Variants in MAP3K13 observed in about 807,000 individuals in gnomAD.
MAP3K13 encodes the protein mitogen-activated protein kinase kinase kinase 13, also known as leucine zipper-bearing kinase.
A neutral mutation model predicts 104.0 loss-of-function variants in MAP3K13; 52 were observed. The observed-to-expected ratio is 0.50, with a 90% CI of 0.40 to 0.63. The LOEUF is 0.63. Among genes scored for constraint, MAP3K13 ranks in the 20% least tolerant of loss-of-function variants. The probability of loss-of-function intolerance (pLI) is 0.00; values close to 1 mark genes in which losing one functional copy is unlikely to be tolerated. For missense variants in MAP3K13, 914 were observed against 1,218.5 expected (o/e 0.75, Z 3.72); for synonymous variants, 394 against 442.2 (o/e 0.89, Z 1.37).
chr3:185,400,761 T>C (rs941034360), intron 1 of MAP3K13, among the ~76,000 whole-genome samples: 17 of 151,914 alleles, frequency 1.1e-4, no homozygotes, highest in African/African-American at 3.9e-4. Context: ...CTTCTAATTA[T>C]ATTATCTTTC....
intron 2 of MAP3K13, among the ~76,000 whole-genome samples, chr3:185,314,356 C>T (rs1721601026): frequency 6.6e-6 from 1 of 152,198 alleles, no homozygotes; most frequent in Non-Finnish European, 1.5e-5. Context: ...TGGCTCACGC[C>T]TGTAATCCTA....
intron 2 of MAP3K13, among the ~76,000 whole-genome samples, chr3:185,350,691 T>A (rs542306464): frequency 5.0e-4 from 76 of 152,288 alleles, no homozygotes; most frequent in Non-Finnish European, 9.1e-4. Flanking sequence ...CCAATCAGAA[T>A]GGCTATTACA....
chr3:185,474,460 C>T (rs531310635), intron 11 of MAP3K13, among the ~76,000 whole-genome samples: 1 of 152,306 alleles, frequency 6.6e-6, no homozygotes, highest in South Asian at 2.1e-4. Flanking sequence ...GTTTAAGAAG[C>T]ACAGTATTCT....
intron 3 of MAP3K13, 37 bp downstream of exon 3, chr3:185,437,667 A>T: frequency 6.5e-7 from 1 of 1,546,290 alleles, no homozygotes; most frequent in East Asian, 2.3e-5. Context: ...AAGTAGACCT[A>T]TTTTCTTTCC....
Position 185,466,369 on chromosome 3 carries a change from C to CTT in MAP3K13, c.1506-435_1506-434dup, listed in dbSNP as rs59523963. On this transcript the variant is annotated intron_variant, in intron 9 of 13. Coordinates refer to ENST00000265026, the MANE Select transcript of MAP3K13 (RefSeq NM_004721.5). ...CAGGTTAATTTGAATTTAGTATTTC[C>CTT]TTTTTTTTTTTTTTTTTTTTTTTGT... Among the ~76,000 whole-genome samples, 838 of 85,124 alleles carry CTT rather than the reference C, an allele frequency of 9.8e-3. 1 individual carries two copies. Among genetic ancestry groups the CTT allele is most frequent in the Non-Finnish European group, 0.011 (481 of 45,146 alleles). 55.8% of individuals were successfully genotyped at this position (85,124 alleles called of 152,430 possible). A position where few individuals can be genotyped will look rare whatever the true frequency, so the allele number is the denominator to read the frequency against.
chr3:185,294,605 C>T (rs564791489), intron 2 of MAP3K13, among the ~76,000 whole-genome samples: 1 of 152,296 alleles, frequency 6.6e-6, no homozygotes, highest in East Asian at 1.9e-4. Flanking sequence ...GAATGAATTG[C>T]AAAGGTTGTA....
chr3:185,359,606 G>A (rs1451882780), upstream of MAP3K13, among the ~76,000 whole-genome samples: 1 of 152,080 alleles, frequency 6.6e-6, no homozygotes, highest in African/African-American at 2.4e-5. Context: ...ATCTTTACAT[G>A]TGTTATAATA....
chr3:185,392,170 A>C (rs542194196), intron 1 of MAP3K13, among the ~76,000 whole-genome samples: 5 of 152,364 alleles, frequency 3.3e-5, no homozygotes, highest in African/African-American at 1.2e-4. Flanking sequence ...TAATGAGTTC[A>C]AGGATTTACC....
intron 1 of MAP3K13, among the ~76,000 whole-genome samples, chr3:185,367,905 A>G (rs1423763243): frequency 6.6e-6 from 1 of 152,250 alleles, no homozygotes; most frequent in Non-Finnish European, 1.5e-5. Flanking sequence ...CTACATGGCT[A>G]TAAACCTGTT....
intron 4 of MAP3K13, 87 bp downstream of exon 4, chr3:185,443,723 C>A: frequency 9.0e-7 from 1 of 1,111,498 alleles, no homozygotes; most frequent in Non-Finnish European, 1.3e-6. Flanking sequence ...CGTTTTCAGA[C>A]ATCATACCTT....
intron 7 of MAP3K13, among the ~76,000 whole-genome samples, chr3:185,457,403 C>G (rs1214071297): frequency 6.6e-6 from 1 of 152,208 alleles, no homozygotes; most frequent in Non-Finnish European, 1.5e-5. Flanking sequence ...GTTCTGGAGA[C>G]TGAGAAGTCC....
At chr3:185,367,201 T>C (rs1723929816) in intron 1 of MAP3K13, among the ~76,000 whole-genome samples, 1 of 152,174 alleles carries the variant, frequency 6.6e-6, no homozygotes, top group Non-Finnish European at 1.5e-5. Context: ...CCCCATTAAA[T>C]TGTCTTGGCA....
At chr3:185,347,831 A>G (rs1380136978) in intron 2 of MAP3K13, among the ~76,000 whole-genome samples, 1 of 152,058 alleles carries the variant, frequency 6.6e-6, no homozygotes, top group Admixed American at 6.5e-5. Flanking sequence ...CAACATGGTG[A>G]AACCCTGTCT....
chr3:185,472,158 G>A (rs1235573472), intron 10 of MAP3K13, among the ~76,000 whole-genome samples: 1 of 150,442 alleles, frequency 6.6e-6, no homozygotes, highest in African/African-American at 2.4e-5. Context: ...TGATGTGGTT[G>A]GTCTGCTCCT....
At chr3:185,442,027 C>T (rs1322078498) in intron 3 of MAP3K13, among the ~76,000 whole-genome samples, 4 of 142,678 alleles carry the variant, frequency 2.8e-5, no homozygotes, top group African/African-American at 1.0e-4. Context: ...GGTGACAGAG[C>T]GACTCTGTCT....
upstream of MAP3K13, among the ~76,000 whole-genome samples, chr3:185,361,744 C>T (rs765612113): frequency 1.3e-5 from 2 of 152,150 alleles, no homozygotes; most frequent in Non-Finnish European, 2.9e-5. Flanking sequence ...GCCTACTGGG[C>T]GTGTACCAAT....
intron 8 of MAP3K13, 79 bp downstream of exon 8, chr3:185,463,738 A>G (rs1577604404): frequency 1.2e-6 from 1 of 801,448 alleles, no homozygotes; most frequent in Non-Finnish European, 2.1e-6. Context: ...CATAACCACC[A>G]TTTCACTTTC....
Position 185,477,339 on chromosome 3 carries a change from C to T in MAP3K13, c.2444C>T (p.Ser815Phe). The T allele has an allele frequency of 6.2e-7, 1 of 1,610,864 alleles. No homozygotes were observed. Among genetic ancestry groups the T allele is most frequent in the Non-Finnish European group, 8.5e-7 (1 of 1,177,108 alleles). Residue 815 changes from serine to phenylalanine, a missense_variant, in exon 12 of 14, where the codon TCC (serine) becomes TTC (phenylalanine). This residue lies in a region of MAP3K13 where 583 missense variants were observed against 737.4 expected (regional missense o/e 0.79). Transcript: ENST00000265026. ...TGTTCTCCTCAGAGTGGAGATGACT[C>T]CTCAGAAGAGGAAGAAGGGGAAGTA... ...TRPLQKSGDDSSEEEEGEVDS... is the reference protein window; with the variant it reads ...TRPLQKSGDDFSEEEEGEVDS...
chr3:185,414,234 G>A (rs1037724719), intron 1 of MAP3K13, among the ~76,000 whole-genome samples: 11 of 152,160 alleles, frequency 7.2e-5, no homozygotes, highest in Non-Finnish European at 1.3e-4. Context: ...TATGGGAAAC[G>A]TGTTTAGAGC....
Sources: gnomAD v4.1 joint callset for allele counts (sites outside exome capture counted in the v4.1 genomes callset) on GRCh38, gnomAD v4.1.1 for gene constraint, gnomAD v4.1.1 regional missense constraint, MANE v1.5 for transcripts, NCBI Gene and HGNC (gene_info 2026-07-23, HGNC 2026-07-21) for gene names.